The following PDE4D variants were observed in gnomAD, a reference collection of about 807,000 sequenced individuals.
PDE4D encodes the protein 3',5'-cyclic-AMP phosphodiesterase 4D.
PDE4D carries 24 observed loss-of-function variants against 87.4 expected under a neutral mutation model. The ratio of observed to expected loss-of-function variants is 0.27; its 90% CI spans 0.20 to 0.39. The LOEUF is 0.39. Among genes scored for constraint, PDE4D ranks in the 10% least tolerant of loss-of-function variants. The probability of loss-of-function intolerance (pLI) is 1.00; values close to 1 mark genes in which losing one functional copy is unlikely to be tolerated. For synonymous variants in PDE4D, 384 were observed against 383.2 expected, an observed-to-expected ratio of 1.00 and a Z score of -0.02; for missense variants, 714 against 1,041.0, an observed-to-expected ratio of 0.69 and a Z score of 4.32.
At chr5:59,797,183 G>GA (rs1484621951) in intron 1 of PDE4D, 3 of 150,004 alleles carry the variant, frequency 2.0e-5, no homozygotes, top group Admixed American at 1.3e-4. Flanking sequence ...TGAAGCTGCT[G>GA]AAAAAAGCAA....
intron 5 of PDE4D, among the ~76,000 whole-genome samples, chr5:59,050,766 C>A (rs1219527454): frequency 6.6e-6 from 1 of 152,008 alleles, no homozygotes; most frequent in Non-Finnish European, 1.5e-5. Context: ...CTGAAATAAG[C>A]CATTTAAAAG....
At chr5:59,542,026 G>T (rs1262822026) in intron 1 of PDE4D, among the ~76,000 whole-genome samples, 1 of 152,034 alleles carries the variant, frequency 6.6e-6, no homozygotes, top group Non-Finnish European at 1.5e-5. Context: ...GCCCCTTCTA[G>T]CTTTGGATCT....
chr5:59,277,434 A>AT (rs921255140), intron 1 of PDE4D, among the ~76,000 whole-genome samples: 20 of 152,050 alleles, frequency 1.3e-4, no homozygotes, highest in Non-Finnish European at 1.9e-4. Flanking sequence ...TTAATCATGT[A>AT]TTTTTTTGGA....
intron 5 of PDE4D, among the ~76,000 whole-genome samples, chr5:59,045,808 T>C (rs549733827): frequency 6.6e-5 from 10 of 152,288 alleles, no homozygotes; most frequent in African/African-American, 2.4e-4. Flanking sequence ...TGCTATGCAA[T>C]TAATGGAATT....
At chr5:60,293,200 C>T (rs1245658064) in intron 1 of PDE4D, among the ~76,000 whole-genome samples, 1 of 151,842 alleles carries the variant, frequency 6.6e-6, no homozygotes, top group Admixed American at 6.6e-5. Context: ...TAGAAGGATT[C>T]CTGAACACTG....
At chr5:59,403,141 G>GA (rs1562118300) in intron 1 of PDE4D, among the ~76,000 whole-genome samples, 12 of 122,704 alleles carry the variant, frequency 9.8e-5, no homozygotes, top group Non-Finnish European at 2.1e-4. Context: ...AGGTAGGTAG[G>GA]TAGACAGACA....
At chr5:60,383,606 T>G (rs969705027) in intron 1 of PDE4D, among the ~76,000 whole-genome samples, 1 of 152,134 alleles carries the variant, frequency 6.6e-6, no homozygotes, top group African/African-American at 2.4e-5. Flanking sequence ...CTCAGAGAGG[T>G]GAATGGACTT....
At chr5:60,279,080 C>T (rs559179182) in intron 1 of PDE4D, among the ~76,000 whole-genome samples, 17 of 152,278 alleles carry the variant, frequency 1.1e-4, no homozygotes, top group African/African-American at 4.1e-4. Flanking sequence ...GTGGTACTGC[C>T]TCATGATTTC....
intron 1 of PDE4D, among the ~76,000 whole-genome samples, chr5:59,421,763 T>A (rs1007703443): frequency 3.9e-5 from 6 of 152,148 alleles, no homozygotes; most frequent in Non-Finnish European, 7.4e-5. Context: ...AACTTTTTTT[T>A]AAATAAAGAA....
intron 1 of PDE4D, among the ~76,000 whole-genome samples, chr5:59,518,263 G>A (rs7729339): frequency 0.081 from 12,183 of 151,246 alleles, 1,548 homozygotes; most frequent in African/African-American, 0.27. Flanking sequence ...ATTTCATTTT[G>A]CCAGTTTGCA....
At chr5:59,579,091 C>T (rs1265404624) in intron 1 of PDE4D, among the ~76,000 whole-genome samples, 1 of 152,178 alleles carries the variant, frequency 6.6e-6, no homozygotes, top group Non-Finnish European at 1.5e-5. Flanking sequence ...TCAGTAACTA[C>T]TAATTCCCAA....
chr5:60,069,023 C>T (rs1310300542), intron 2 of PDE4D, among the ~76,000 whole-genome samples: 3 of 152,126 alleles, frequency 2.0e-5, no homozygotes, highest in Non-Finnish European at 4.4e-5. Context: ...TTGATTTTTG[C>T]ATATGATGTA....
chr5:59,345,233 G>A (rs1329024447), intron 1 of PDE4D, among the ~76,000 whole-genome samples: 1 of 152,104 alleles, frequency 6.6e-6, no homozygotes, highest in African/African-American at 2.4e-5. Flanking sequence ...AACAGGTTAA[G>A]GTGGTTTAGG....
intron 1 of PDE4D, among the ~76,000 whole-genome samples, chr5:59,561,281 G>A (rs868852170): frequency 8.1e-4 from 124 of 152,260 alleles, no homozygotes; most frequent in African/African-American, 2.7e-3. Flanking sequence ...GGGGTCGTCC[G>A]TTATTGGAGT....
chr5:59,273,726 T>C (rs1431813212), intron 1 of PDE4D, among the ~76,000 whole-genome samples: 1 of 152,130 alleles, frequency 6.6e-6, no homozygotes, highest in East Asian at 1.9e-4. Flanking sequence ...ATACACACAT[T>C]AACAAATCAA....
At chr5:58,999,096 A>G (rs1185992715) in intron 6 of PDE4D, among the ~76,000 whole-genome samples, 1 of 152,228 alleles carries the variant, frequency 6.6e-6, no homozygotes, top group African/African-American at 2.4e-5. Context: ...AAAGTAGTAT[A>G]GATTTTTAGA....
At chr5:59,658,114 A>G (rs1026535996) in intron 1 of PDE4D, among the ~76,000 whole-genome samples, 3 of 152,228 alleles carry the variant, frequency 2.0e-5, no homozygotes, top group Non-Finnish European at 4.4e-5. Flanking sequence ...GTAAAAAAGA[A>G]TAATTACAAA....
intron 1 of PDE4D, among the ~76,000 whole-genome samples, chr5:59,571,614 T>C (rs1192926016): frequency 6.6e-6 from 1 of 152,206 alleles, no homozygotes; most frequent in African/African-American, 2.4e-5. Flanking sequence ...CTTTTACTCA[T>C]GGCCAGGTCA....
At chr5:59,677,984 T>C (rs1164981557) in intron 1 of PDE4D, among the ~76,000 whole-genome samples, 2 of 152,232 alleles carry the variant, frequency 1.3e-5, no homozygotes, top group African/African-American at 4.8e-5. Flanking sequence ...CAAGTGCTAT[T>C]AAGCACATAA....
Sources: gnomAD v4.1 joint callset for allele counts (sites outside exome capture counted in the v4.1 genomes callset) on GRCh38, gnomAD v4.1.1 for gene constraint, MANE v1.5 for transcripts, NCBI Gene and HGNC (gene_info 2026-07-23, HGNC 2026-07-21) for gene names.